Variants in LRBA observed in about 807,000 individuals in gnomAD.
The protein encoded by LRBA is lipopolysaccharide-responsive and beige-like anchor protein.
Under a neutral mutation model 330.0 loss-of-function variants are expected in LRBA, and 176 were observed. The ratio of observed to expected loss-of-function variants is 0.53; its 90% CI spans 0.47 to 0.60. The LOEUF (loss-of-function observed/expected upper bound fraction) is 0.60, where lower values mean the gene tolerates loss of function less well. Among genes scored for constraint, LRBA ranks in the 20% least tolerant of loss-of-function variants. LRBA has a pLI of 0.00. For missense variants in LRBA, 3,259 were observed against 3,444.8 expected (o/e 0.95, Z 1.35); for synonymous variants, 1,230 against 1,193.0 (o/e 1.03, Z -0.64).
chr4:150,478,094 T>C (rs4696435), intron 42 of LRBA, among the ~76,000 whole-genome samples: 115,890 of 151,986 alleles, frequency 0.76, 47,592 homozygotes, highest in Non-Finnish European at 0.92. Context: ...TGAGGTTTTC[T>C]GGATGTAGCT....
At chr4:150,776,831 A>C (rs997338575) in intron 34 of LRBA, among the ~76,000 whole-genome samples, 7 of 152,172 alleles carry the variant, frequency 4.6e-5, no homozygotes, top group Non-Finnish European at 1.0e-4. Context: ...AATAAAAATA[A>C]ATCATATGCC....
At chr4:150,606,314 C>T (rs544060336) in intron 37 of LRBA, among the ~76,000 whole-genome samples, 18 of 152,078 alleles carry the variant, frequency 1.2e-4, no homozygotes, top group Non-Finnish European at 2.1e-4. Context: ...GAAAAAAAAC[C>T]ATTAAAATGA....
chr4:150,639,773 ATATATATATGTGTG>A (rs1199019800), intron 37 of LRBA, among the ~76,000 whole-genome samples: 280 of 6,054 alleles, frequency 0.046, 38 homozygotes, highest in African/African-American at 0.13. Context: ...ATATATATAT[ATATATATATGTGTG>A]TGTGTATATA....
chr4:150,580,794 T>G (rs905126922), intron 40 of LRBA: 1 of 152,202 alleles, frequency 6.6e-6, no homozygotes. Flanking sequence ...TTTAGGATAA[T>G]ACATATACTA....
chr4:150,489,200 T>TATATTATATACGAATATATA (rs1758389062), intron 41 of LRBA, among the ~76,000 whole-genome samples: 1 of 63,808 alleles, frequency 1.6e-5, no homozygotes, highest in Non-Finnish European at 3.0e-5. Flanking sequence ...TATATATAAG[T>TATATTATATACGAATATATA]ATATATTATA....
At chr4:150,494,585 A>C (rs1759346696) in intron 40 of LRBA, among the ~76,000 whole-genome samples, 1 of 152,252 alleles carries the variant, frequency 6.6e-6, no homozygotes, top group African/African-American at 2.4e-5. Flanking sequence ...TTTTCTGATT[A>C]AATAAAATAT....
In LRBA at chr4:150,426,201, A is replaced by G. The variant is rs553651666; in HGVS notation, c.7041+9388T>C. 4.3e-4 allele frequency among the ~76,000 whole-genome samples: 66 copies of G among 152,138 alleles called. 2 individuals are homozygous for G. In the South Asian group the frequency reaches 0.014, roughly 32 times the overall value. ...TTGATATTTAAATTTAGTTTGTCCT[A>G]ATTTGGTAGATAAAATGCTGTTTTT... On this transcript the variant is annotated intron_variant, in intron 46 of 56. Transcript: ENST00000651943.
chr4:150,900,054 C>T lies in LRBA; in HGVS notation c.1919G>A (p.Gly640Glu), dbSNP rs754599454. The T allele has an allele frequency of 6.2e-7, 1 of 1,608,364 alleles. No homozygotes were observed. Among genetic ancestry groups the T allele is most frequent in the Non-Finnish European group, 8.5e-7 (1 of 1,176,660 alleles). The change falls in exon 14 of 57, where the codon GGA (glycine) becomes GAA (glutamate). Residue 640 changes from glycine to glutamate, a missense_variant. Coordinates refer to ENST00000651943, the MANE Select transcript of LRBA (RefSeq NM_001364905.1). ...PQDRSGITPKGLDGPRPNQKE... is the reference protein window; with the variant it reads ...PQDRSGITPKELDGPRPNQKE... ...TACAGACAGAAATTATATACCTAAT[C>T]CTTTTGGGGTGATACCACTTCGATC...
chr4:150,415,714 T>TC, intron 46 of LRBA, 124 bp from the exon 47 acceptor site: 1 of 603,700 alleles, frequency 1.7e-6, no homozygotes, highest in South Asian at 2.4e-5. Context: ...AATTTTTTTT[T>TC]CTTTGCATAT....
At chr4:150,875,544 C>T (rs943459598) in intron 17 of LRBA, among the ~76,000 whole-genome samples, 3 of 152,214 alleles carry the variant, frequency 2.0e-5, no homozygotes, top group Non-Finnish European at 4.4e-5. Context: ...CACTCTTACT[C>T]ATAACTGCCA....
rs967859218 is a variant in LRBA at position 150,310,341 on chromosome 4, T to G, written c.7737A>C (p.Leu2579Phe). The change falls in exon 52 of 57, where the codon TTA (leucine) becomes TTC (phenylalanine). Residue 2579 changes from leucine (L) to phenylalanine (F), a missense_variant. Transcript: ENST00000651943. ...GMHRRQITDL[L>F]DQSIQVHSQC... ...GGGAATGCACTTGAATACTTTGGTC[T>G]AAAAGGTCAGTGATTTGCCTCCTGT... 6.2e-7 allele frequency: 1 copy of G among 1,613,370 alleles called. No homozygotes were observed. Among genetic ancestry groups the G allele is most frequent in the Non-Finnish European group, 8.5e-7 (1 of 1,179,484 alleles).
intron 47 of LRBA, among the ~76,000 whole-genome samples, chr4:150,379,319 A>AG (rs1741844132): frequency 6.6e-6 from 1 of 151,132 alleles, no homozygotes; most frequent in African/African-American, 2.4e-5. Context: ...AAAAAAAAAA[A>AG]AAAAAAAGCA....
chr4:150,881,740 C>T (rs367714924), intron 17 of LRBA, among the ~76,000 whole-genome samples: 4 of 152,098 alleles, frequency 2.6e-5, no homozygotes, highest in African/African-American at 9.7e-5. Context: ...GATATTTTAA[C>T]GTATCAAAAA....
chr4:150,898,052 T>A (rs1730301053), intron 14 of LRBA, among the ~76,000 whole-genome samples: 1 of 152,010 alleles, frequency 6.6e-6, no homozygotes, highest in African/African-American at 2.4e-5. Flanking sequence ...TATGAAGAAG[T>A]TTGTACTTTG....
intron 46 of LRBA, among the ~76,000 whole-genome samples, chr4:150,428,692 T>C (rs74870226): frequency 0.15 from 22,512 of 152,094 alleles, 1,693 homozygotes; most frequent in Middle Eastern, 0.17. Flanking sequence ...ATCAGGCAGA[T>C]TGCAAAGTCA....
chr4:150,565,605 A>T (rs1358730545), intron 40 of LRBA, among the ~76,000 whole-genome samples: 1 of 152,148 alleles, frequency 6.6e-6, no homozygotes, highest in Non-Finnish European at 1.5e-5. Flanking sequence ...CATTTTAAAT[A>T]TAGAGATTTA....
intron 40 of LRBA, among the ~76,000 whole-genome samples, chr4:150,500,341 G>A (rs1449722215): frequency 6.6e-6 from 1 of 151,882 alleles, no homozygotes; most frequent in Non-Finnish European, 1.5e-5. Context: ...TTGGGAGGCT[G>A]AGGCGGGCAA....
chr4:150,377,439 C>T (rs991520220), intron 47 of LRBA, among the ~76,000 whole-genome samples: 1 of 152,146 alleles, frequency 6.6e-6, no homozygotes, highest in Admixed American at 6.5e-5. Flanking sequence ...TTGCAGTAAA[C>T]ATGTCTACCA....
intron 44 of LRBA, among the ~76,000 whole-genome samples, chr4:150,466,436 T>C (rs1165282856): frequency 2.6e-5 from 4 of 152,116 alleles, no homozygotes; most frequent in Admixed American, 2.0e-4. Context: ...TCTGCTATGA[T>C]TGGGTATTCA....
Sources: allele counts gnomAD v4.1 joint callset (sites outside exome capture counted in the v4.1 genomes callset), GRCh38; gene constraint gnomAD v4.1.1; transcripts MANE v1.5; gene names NCBI Gene and HGNC (gene_info 2026-07-23, HGNC 2026-07-21).